Variants in RNF180 observed in about 807,000 individuals in gnomAD.
The protein encoded by RNF180 is E3 ubiquitin-protein ligase RNF180.
RNF180 carries 38 observed loss-of-function variants against 59.2 expected under a neutral mutation model. That is an observed-to-expected ratio of 0.64 (90% CI 0.50 to 0.84). The LOEUF (loss-of-function observed/expected upper bound fraction) is 0.84, where lower values mean the gene tolerates loss of function less well. Ranked by LOEUF, RNF180 falls within the 40% of genes least tolerant of loss-of-function variation. The pLI is 0.00. For synonymous variants in RNF180, 262 were observed against 240.3 expected, an observed-to-expected ratio of 1.09 and a Z score of -0.84; for missense variants, 705 against 700.9, an observed-to-expected ratio of 1.01 and a Z score of -0.07.
At chr5:64,302,583 G>C (rs1201311760) in intron 5 of RNF180, among the ~76,000 whole-genome samples, 3 of 151,568 alleles carry the variant, frequency 2.0e-5, no homozygotes. Flanking sequence ...GTCCATGCAA[G>C]AAGCTGTCAT....
chr5:64,215,706 A>G (rs1752586579), intron 4 of RNF180, among the ~76,000 whole-genome samples: 2 of 152,132 alleles, frequency 1.3e-5, no homozygotes, highest in African/African-American at 4.8e-5. Flanking sequence ...ATACATAGGT[A>G]AATTGGAAGT....
At chr5:64,323,874 T>TTTCCTAACTACA (rs1744495300) in intron 5 of RNF180, among the ~76,000 whole-genome samples, 1 of 152,206 alleles carries the variant, frequency 6.6e-6, no homozygotes, top group Non-Finnish European at 1.5e-5. Context: ...TACTAACCTC[T>TTTCCTAACTACA]GAGCTGCCTC....
chr5:64,322,137 C>T (rs1744384503), intron 5 of RNF180, among the ~76,000 whole-genome samples: 1 of 152,128 alleles, frequency 6.6e-6, no homozygotes, highest in Non-Finnish European at 1.5e-5. Context: ...GCAATTGCGA[C>T]AAAGGCTAAA....
intron 1 of RNF180, among the ~76,000 whole-genome samples, chr5:64,192,621 G>C (rs762965214): frequency 5.3e-5 from 8 of 151,952 alleles, no homozygotes; most frequent in African/African-American, 1.7e-4. Flanking sequence ...GCTGTGAGCC[G>C]AGATCGCGCC....
intron 5 of RNF180, among the ~76,000 whole-genome samples, chr5:64,288,270 T>C (rs1454450963): frequency 6.6e-6 from 1 of 152,178 alleles, no homozygotes; most frequent in Non-Finnish European, 1.5e-5. Context: ...TGTGTGCTTT[T>C]GTACCAGTAC....
chr5:64,178,264 G>GAC (rs1750369018), intron 1 of RNF180, among the ~76,000 whole-genome samples: 1 of 150,732 alleles, frequency 6.6e-6, no homozygotes, highest in South Asian at 2.1e-4. Flanking sequence ...TCTATGATCT[G>GAC]ACAGGGGAGC....
At chr5:64,210,058 T>C (rs370168587) in intron 2 of RNF180, among the ~76,000 whole-genome samples, 8 of 152,148 alleles carry the variant, frequency 5.3e-5, no homozygotes, top group Admixed American at 3.3e-4. Flanking sequence ...TATTAGAACT[T>C]AGAAAAGGCA....
At chr5:64,367,795 A>G (rs1746507101) in intron 7 of RNF180, among the ~76,000 whole-genome samples, 1 of 151,686 alleles carries the variant, frequency 6.6e-6, no homozygotes, top group African/African-American at 2.4e-5. Context: ...GCTAGTGAGT[A>G]CCAGAATTAC....
chr5:64,364,739 T>C (rs1156902859), intron 7 of RNF180, among the ~76,000 whole-genome samples: 1 of 151,738 alleles, frequency 6.6e-6, no homozygotes, highest in Non-Finnish European at 1.5e-5. Flanking sequence ...ACTGATTCAA[T>C]TTCAGAGGTC....
intron 1 of RNF180, among the ~76,000 whole-genome samples, chr5:64,175,334 A>G (rs1320829355): frequency 6.6e-6 from 1 of 152,136 alleles, no homozygotes; most frequent in Non-Finnish European, 1.5e-5. Flanking sequence ...TCGTTCTTCT[A>G]CATGTGGATA....
chr5:64,266,622 A>G (rs1436644600), intron 5 of RNF180, among the ~76,000 whole-genome samples: 1 of 152,178 alleles, frequency 6.6e-6, no homozygotes, highest in Admixed American at 6.6e-5. Context: ...ATTGTAGGAA[A>G]AGACATAAGG....
At chr5:64,198,754 A>G (rs1242613914) in intron 1 of RNF180, among the ~76,000 whole-genome samples, 3 of 152,200 alleles carry the variant, frequency 2.0e-5, no homozygotes, top group Admixed American at 6.5e-5. Flanking sequence ...ATACTAAAGA[A>G]GTTAAGTGTG....
At chr5:64,329,151 A>G (rs1172362629) in intron 6 of RNF180, among the ~76,000 whole-genome samples, 1 of 152,228 alleles carries the variant, frequency 6.6e-6, no homozygotes, top group Non-Finnish European at 1.5e-5. Context: ...CAGGTGGTCA[A>G]CCCATCACAT....
At chr5:64,221,187 G>C (rs1741307379) in intron 5 of RNF180, among the ~76,000 whole-genome samples, 1 of 151,924 alleles carries the variant, frequency 6.6e-6, no homozygotes, top group Non-Finnish European at 1.5e-5. Context: ...AATTAAAATA[G>C]TGATCCAAAT....
rs963122617 is a variant in RNF180, at chr5:64,372,183, CT to C, written c.*2375del. Reference sequence around the variant, plus strand: ...TTAATTTTAAACATGTTCACACATTCTTTTTTAAAAAAATGCCCTAATTGAG... The same window carrying C: ...TTAATTTTAAACATGTTCACACATTCTTTTTAAAAAAATGCCCTAATTGAG... On this transcript the variant is annotated 3_prime_UTR_variant, in exon 8 of 8. Transcript: ENST00000389100. 6.6e-6 allele frequency: 1 copy of C among 151,410 alleles called. No homozygotes were observed. The highest frequency in any genetic ancestry group is 1.5e-5 in the Non-Finnish European group (1 of 67,726). 9.4% of individuals were successfully genotyped at this position (151,410 alleles called of 1,614,324 possible). A position where few individuals can be genotyped will look rare whatever the true frequency, so the allele number is the denominator to read the frequency against.
intron 5 of RNF180, among the ~76,000 whole-genome samples, chr5:64,307,492 G>C (rs1326646125): frequency 6.6e-6 from 1 of 151,600 alleles, no homozygotes; most frequent in Non-Finnish European, 1.5e-5. Flanking sequence ...GACTTAAAAA[G>C]CTAAGTATGA....
intron 5 of RNF180, among the ~76,000 whole-genome samples, chr5:64,308,937 T>C (rs1205721543): frequency 6.6e-6 from 1 of 151,672 alleles, no homozygotes; most frequent in Non-Finnish European, 1.5e-5. Flanking sequence ...GCTCTCCTCC[T>C]CCTTCTGTAA....
chr5:64,245,980 T>C (rs1248827267), intron 5 of RNF180, among the ~76,000 whole-genome samples: 1 of 152,164 alleles, frequency 6.6e-6, no homozygotes, highest in African/African-American at 2.4e-5. Context: ...CACAACTACA[T>C]GGCAACTGAA....
Position 64,330,360 on chromosome 5 carries a change from A to G in RNF180, c.1533A>G (p.Ala511=). ...IKQSFQKSNS[A]KWPLPSCRKA... ...AAAGCTTTCAGAAATCCAACTCTGC[A>G]AAATGGCCCCTACCAAGCTGCAGAA... Residue 511 remains alanine (A), a synonymous_variant, in exon 7 of 8, where the codon GCA becomes GCG. Coordinates refer to ENST00000389100, the MANE Select transcript of RNF180 (RefSeq NM_001113561.2). 1 of 1,546,228 alleles carries G rather than the reference A, an allele frequency of 6.5e-7. No individual in the cohort carries two copies. The highest frequency in any genetic ancestry group is 8.7e-7 in the Non-Finnish European group (1 of 1,145,554).
Sources: gnomAD v4.1 joint callset for allele counts (sites outside exome capture counted in the v4.1 genomes callset) on GRCh38, gnomAD v4.1.1 for gene constraint, MANE v1.5 for transcripts, NCBI Gene and HGNC (gene_info 2026-07-23, HGNC 2026-07-21) for gene names.